The following STK32B variants were observed in gnomAD, a reference collection of about 807,000 sequenced individuals.
The protein encoded by STK32B is serine/threonine kinase 32B, also known as serine/threonine-protein kinase 32B.
STK32B carries 43 observed loss-of-function variants against 52.6 expected under a neutral mutation model. The observed-to-expected ratio is 0.82, with a 90% CI of 0.64 to 1.05. The LOEUF (loss-of-function observed/expected upper bound fraction) is 1.05, where lower values mean the gene tolerates loss of function less well. Among genes scored for constraint, STK32B ranks in the 50% least tolerant of loss-of-function variants. The pLI is 0.00. For missense variants in STK32B, 621 were observed against 534.6 expected, an observed-to-expected ratio of 1.16 and a Z score of -1.59; for synonymous variants, 238 against 204.3, an observed-to-expected ratio of 1.17 and a Z score of -1.41.
At chr4:5,177,482 C>A (rs905257233) in intron 3 of STK32B, among the ~76,000 whole-genome samples, 1 of 152,096 alleles carries the variant, frequency 6.6e-6, no homozygotes, top group Non-Finnish European at 1.5e-5. Flanking sequence ...TCATTCTGCC[C>A]CTGGTCCCTC....
chr4:5,423,328 T>C (rs905988324), intron 6 of STK32B, among the ~76,000 whole-genome samples: 1 of 152,086 alleles, frequency 6.6e-6, no homozygotes, highest in Non-Finnish European at 1.5e-5. Flanking sequence ...CATAAAGCAC[T>C]TACCATGATG....
intron 6 of STK32B, among the ~76,000 whole-genome samples, chr4:5,423,812 A>C (rs1246308018): frequency 1.3e-5 from 2 of 152,132 alleles, no homozygotes; most frequent in Non-Finnish European, 2.9e-5. Flanking sequence ...ATGGAAGCAG[A>C]GGCCTGTCTG....
At chr4:5,403,608 G>C (rs138727512) in intron 5 of STK32B, among the ~76,000 whole-genome samples, 10 of 152,110 alleles carry the variant, frequency 6.6e-5, no homozygotes, top group Admixed American at 3.3e-4. Flanking sequence ...AACTGAACTC[G>C]TTTCAAAGAA....
At chr4:5,146,918 C>A (rs1020639387) in intron 2 of STK32B, among the ~76,000 whole-genome samples, 1 of 152,038 alleles carries the variant, frequency 6.6e-6, no homozygotes, top group African/African-American at 2.4e-5. Flanking sequence ...GATTTTCATA[C>A]AAATTTTGGA....
At chr4:5,082,432 G>A (rs1712489408) in intron 1 of STK32B, among the ~76,000 whole-genome samples, 1 of 152,172 alleles carries the variant, frequency 6.6e-6, no homozygotes, top group Non-Finnish European at 1.5e-5. Context: ...CATAGGTGAA[G>A]TATTCCAAAC....
intron 11 of STK32B, among the ~76,000 whole-genome samples, chr4:5,483,280 A>G (rs1718873371): frequency 1.3e-5 from 2 of 151,718 alleles, no homozygotes; most frequent in African/African-American, 4.9e-5. Flanking sequence ...TTATTGGTCT[A>G]TTCAGAGATT....
chr4:5,454,285 A>G (rs541438735), intron 7 of STK32B, among the ~76,000 whole-genome samples: 1 of 152,134 alleles, frequency 6.6e-6, no homozygotes, highest in Admixed American at 6.5e-5. Flanking sequence ...TGGGTGGCTT[A>G]AACAGAAATT....
chr4:5,451,748 C>A (rs1716019603), intron 7 of STK32B, among the ~76,000 whole-genome samples: 1 of 152,162 alleles, frequency 6.6e-6, no homozygotes, highest in African/African-American at 2.4e-5. Flanking sequence ...ACTCCCCACC[C>A]AGTTATGACA....
At chr4:5,316,654 T>TATA (rs1730829876) in intron 3 of STK32B, among the ~76,000 whole-genome samples, 1 of 7,342 alleles carries the variant, frequency 1.4e-4, no homozygotes, top group Non-Finnish European at 1.7e-4. Context: ...ATATATATAA[T>TATA]ATATAATATA....
chr4:5,176,614 T>A (rs1719924455), intron 3 of STK32B, among the ~76,000 whole-genome samples: 2 of 152,016 alleles, frequency 1.3e-5, no homozygotes, highest in Admixed American at 1.3e-4. Flanking sequence ...CAGTTAATTT[T>A]TGTGTTCTTA....
upstream of STK32B, among the ~76,000 whole-genome samples, chr4:5,047,578 C>T (rs1158040486): frequency 1.3e-5 from 2 of 152,210 alleles, no homozygotes; most frequent in Non-Finnish European, 2.9e-5. Flanking sequence ...AACCATCATT[C>T]ACTCATTCCA....
chr4:5,330,021 A>G (rs1364650189), intron 3 of STK32B, among the ~76,000 whole-genome samples: 1 of 152,152 alleles, frequency 6.6e-6, no homozygotes, highest in Non-Finnish European at 1.5e-5. Flanking sequence ...GCATTACAGC[A>G]ACATCCCCAC....
chr4:5,176,438 C>CTT (rs34628636), intron 3 of STK32B, among the ~76,000 whole-genome samples: 5,483 of 111,878 alleles, frequency 0.049, 300 homozygotes, highest in Admixed American at 0.16. Context: ...CGGCCATCAT[C>CTT]TTTTTTTTTT....
intron 3 of STK32B, among the ~76,000 whole-genome samples, chr4:5,216,225 T>C (rs902688756): frequency 3.9e-5 from 6 of 152,164 alleles, no homozygotes; most frequent in Non-Finnish European, 1.5e-5. Context: ...CTAACAAGTC[T>C]CTAGGAAATG....
chr4:5,102,174 G>A (rs891131517), intron 1 of STK32B, among the ~76,000 whole-genome samples: 9 of 152,260 alleles, frequency 5.9e-5, no homozygotes, highest in South Asian at 4.1e-4. Flanking sequence ...TCACATCACC[G>A]TGCCTCAGTT....
chr4:5,148,521 C>G (rs775267827), intron 2 of STK32B, among the ~76,000 whole-genome samples: 1 of 151,754 alleles, frequency 6.6e-6, no homozygotes, highest in Non-Finnish European at 1.5e-5. Context: ...TGTTGTTTAA[C>G]TTCCAAATAT....
chr4:5,118,793 C>A (rs1235138422), intron 1 of STK32B, among the ~76,000 whole-genome samples: 1 of 152,214 alleles, frequency 6.6e-6, no homozygotes, highest in Non-Finnish European at 1.5e-5. Flanking sequence ...CCATGTCTGA[C>A]CCAGGTGGGC....
intron 3 of STK32B, among the ~76,000 whole-genome samples, chr4:5,267,540 G>T (rs768590647): frequency 1.3e-5 from 2 of 152,142 alleles, no homozygotes; most frequent in Admixed American, 1.3e-4. Context: ...CACATCTCAG[G>T]AAAAGAAATG....
At chr4:5,057,544 A>G (rs762155452) in intron 1 of STK32B, among the ~76,000 whole-genome samples, 2 of 152,152 alleles carry the variant, frequency 1.3e-5, no homozygotes, top group Admixed American at 6.5e-5. Context: ...TTCCTACTTT[A>G]TGGGATCGTA....
Sources: allele counts gnomAD v4.1 joint callset (sites outside exome capture counted in the v4.1 genomes callset), GRCh38; gene constraint gnomAD v4.1.1; transcripts MANE v1.5; gene names NCBI Gene and HGNC (gene_info 2026-07-23, HGNC 2026-07-21).